Variants in DYM observed in about 807,000 individuals in gnomAD.
The protein encoded by DYM is dymeclin, also known as dyggve-Melchior-Clausen syndrome protein.
Under a neutral mutation model 93.1 loss-of-function variants are expected in DYM, and 78 were observed. The ratio of observed to expected loss-of-function variants is 0.84; its 90% CI spans 0.70 to 1.01. The LOEUF (loss-of-function observed/expected upper bound fraction) is 1.01, where lower values mean the gene tolerates loss of function less well. Among genes scored for constraint, DYM ranks in the 50% least tolerant of loss-of-function variants. The pLI, the probability that DYM is intolerant of heterozygous loss-of-function variation, is 0.00. For synonymous variants in DYM, 321 were observed against 319.7 expected (o/e 1.00, Z -0.04); for missense variants, 789 against 845.0 (o/e 0.93, Z 0.82).
intron 15 of DYM, among the ~76,000 whole-genome samples, chr18:49,125,695 T>C (rs1019546930): frequency 1.3e-5 from 2 of 152,216 alleles, no homozygotes; most frequent in African/African-American, 4.8e-5. Flanking sequence ...CCTCAGAAGA[T>C]ACAAAAGACA....
chr18:49,365,750 G>C, intron 5 of DYM, among the ~76,000 whole-genome samples: 1 of 152,250 alleles, frequency 6.6e-6, no homozygotes, highest in African/African-American at 2.4e-5. Flanking sequence ...TTTAATTACG[G>C]AAGGTGAGAG....
chr18:49,270,349 C>T (rs757401018), intron 11 of DYM, among the ~76,000 whole-genome samples: 28 of 152,144 alleles, frequency 1.8e-4, no homozygotes, highest in Non-Finnish European at 3.2e-4. Context: ...AAAAATACTT[C>T]ATGATCTCAC....
At position 49,297,816 on chromosome 18, in the gene DYM, C is replaced by T. The variant is rs184702944; in HGVS notation, c.764-11200G>A. On this transcript the variant is annotated intron_variant, in intron 8 of 17. Coordinates refer to ENST00000675505, the MANE Select transcript of DYM (RefSeq NM_001353214.3). ...CTAAAACAAACAGTGTTGGTGTAAT[C>T]AGAAAAAAAAAAGCATACTTGATGT... Among the ~76,000 whole-genome samples, 8 of 150,214 alleles carry T rather than the reference C, an allele frequency of 5.3e-5. No individual in the cohort carries two copies. The East Asian group carries it at 1.6e-3, about 29-fold the overall frequency.
chr18:49,317,796 C>T (rs77975231), intron 8 of DYM, among the ~76,000 whole-genome samples: 1,645 of 151,502 alleles, frequency 0.011, 45 homozygotes, highest in South Asian at 0.075. Context: ...TTCAAGACTG[C>T]TCATATCATT....
intron 6 of DYM, 107 bp downstream of exon 6, chr18:49,363,054 C>G: frequency 1.2e-6 from 1 of 834,352 alleles, no homozygotes; most frequent in South Asian, 1.4e-5. Context: ...CCTTAAAAGG[C>G]ACACATATAA....
intron 16 of DYM, among the ~76,000 whole-genome samples, chr18:49,116,819 C>T (rs1015100405): frequency 1.4e-4 from 21 of 152,168 alleles, no homozygotes; most frequent in Admixed American, 3.9e-4. Flanking sequence ...TAAAAGAAGA[C>T]GGAGTTAACT....
At chr18:49,392,935 C>T (rs1476747922) in intron 2 of DYM, among the ~76,000 whole-genome samples, 1 of 146,444 alleles carries the variant, frequency 6.8e-6, no homozygotes. Context: ...GCAGAGGTTA[C>T]AGTGAGCCAA....
rs1166295920 is a variant in DYM at position 49,285,958 on chromosome 18, G to A, written c.946+476C>T. 2.0e-5 allele frequency among the ~76,000 whole-genome samples: 3 copies of A among 152,150 alleles called. No individual in the cohort carries two copies. In the South Asian group the frequency reaches 6.2e-4, roughly 32 times the overall value. On this transcript the variant is annotated intron_variant, in intron 9 of 17. Coordinates refer to ENST00000675505, the MANE Select transcript of DYM (RefSeq NM_001353214.3). ...CCTATGGCTGCTTTGATGGAAAAAC[G>A]GCAAGGCTAACAGACTGCAGGAGAG...
At chr18:49,189,993 TA>T (rs2090821134) in intron 14 of DYM, among the ~76,000 whole-genome samples, 1 of 152,218 alleles carries the variant, frequency 6.6e-6, no homozygotes, top group Admixed American at 6.5e-5. Flanking sequence ...TTCCTTCCGT[TA>T]AACTAGACAA....
intron 1 of DYM, among the ~76,000 whole-genome samples, chr18:49,459,437 A>G (rs75872700): frequency 0.091 from 13,879 of 152,124 alleles, 854 homozygotes; most frequent in East Asian, 0.31. Flanking sequence ...ACCCATTCCT[A>G]TAGATTCTCT....
intron 3 of DYM, among the ~76,000 whole-genome samples, chr18:49,381,158 A>G (rs1041363393): frequency 2.0e-5 from 3 of 152,106 alleles, no homozygotes; most frequent in Non-Finnish European, 4.4e-5. Flanking sequence ...CACCATGCCC[A>G]GCTAATTGTA....
At position 49,232,603 on chromosome 18, in the gene DYM, CTTT is replaced by C. The variant is rs777802663; in HGVS notation, c.1461-22891_1461-22889del. On this transcript the variant is annotated intron_variant, in intron 13 of 17. Coordinates refer to ENST00000675505, the MANE Select transcript of DYM (RefSeq NM_001353214.3). ...AGGCGTGAGCCACTGTGCCCGGCCT[CTTT>C]TTTTTTTTTTTTTTTTTTTTTGGAA... Among the ~76,000 whole-genome samples, 457 of 94,382 alleles carry C rather than the reference CTTT, an allele frequency of 4.8e-3. 1 individual carries two copies. The highest frequency in any genetic ancestry group is 8.0e-3 in the Non-Finnish European group (372 of 46,284). 61.9% of individuals were successfully genotyped at this position (94,382 alleles called of 152,430 possible). A position where few individuals can be genotyped will look rare whatever the true frequency, so the allele number is the denominator to read the frequency against.
intron 8 of DYM, among the ~76,000 whole-genome samples, chr18:49,292,624 A>AAAAC (rs1568189068): frequency 3.4e-4 from 22 of 65,056 alleles, no homozygotes; most frequent in African/African-American, 7.5e-4. Context: ...AAAAAAAAAA[A>AAAAC]ACCCCCACAA....
At position 49,272,006 on chromosome 18, in the gene DYM, G is replaced by GAA. The variant is rs33965129; in HGVS notation, c.1251+170_1251+171dup. Among the ~76,000 whole-genome samples, 566 of 134,468 alleles carry GAA rather than the reference G, an allele frequency of 4.2e-3. 5 individuals are homozygous for GAA. The highest frequency in any genetic ancestry group is 0.015 in the Middle Eastern group (4 of 262). 88.2% of individuals were successfully genotyped at this position (134,468 alleles called of 152,430 possible). On this transcript the variant is annotated intron_variant, in intron 11 of 17. Transcript: ENST00000675505. Reference sequence around the variant, plus strand: ...TTAATAGTGGTTAATAGTCATTCTGGAAAAAAAAAAAAAAAAAGCACCGCT... The same window carrying GAA: ...TTAATAGTGGTTAATAGTCATTCTGGAAAAAAAAAAAAAAAAAAAGCACCGCT...
At chr18:49,409,525 G>A (rs2071957588) in intron 2 of DYM, among the ~76,000 whole-genome samples, 1 of 152,042 alleles carries the variant, frequency 6.6e-6, no homozygotes, top group South Asian at 2.1e-4. Flanking sequence ...CATGAATGAT[G>A]GAATAAAAAG....
chr18:49,257,291 C>CA (rs1285406863), intron 12 of DYM, among the ~76,000 whole-genome samples, 187 bp from the exon 13 acceptor site: 1 of 152,026 alleles, frequency 6.6e-6, no homozygotes, highest in African/African-American at 2.4e-5. Context: ...TTCCACAACA[C>CA]AAAAAATGAT....
rs2070800243 is a variant in DYM at position 49,038,856 on chromosome 18, C to G, written c.*5199G>C. Among the ~76,000 whole-genome samples the G allele has an allele frequency of 6.6e-6, 1 of 152,192 alleles. No individual in the cohort carries two copies. Among genetic ancestry groups the G allele is most frequent in the South Asian group, 2.1e-4 (1 of 4,832 alleles). On this transcript the variant is annotated 3_prime_UTR_variant, in exon 18 of 18. Transcript: ENST00000675505. The stretch of plus-strand genomic sequence containing the variant: ...AAGACTAATATTAAATGAATTTTTA[C>G]TCTCTTCTTGGATGATGCCAAGTGT...
At chr18:49,159,413 C>T (rs561547368) in intron 15 of DYM, among the ~76,000 whole-genome samples, 3 of 152,252 alleles carry the variant, frequency 2.0e-5, no homozygotes, top group South Asian at 4.1e-4. Context: ...AGTTTGTAAA[C>T]AAGGTCTAAA....
At chr18:49,450,942 A>G (rs1344335446) in intron 1 of DYM, among the ~76,000 whole-genome samples, 3 of 152,218 alleles carry the variant, frequency 2.0e-5, no homozygotes, top group Non-Finnish European at 4.4e-5. Flanking sequence ...CAGGTTTTTA[A>G]CAGCTTTGAA....
Sources: gnomAD v4.1 joint callset for allele counts (sites outside exome capture counted in the v4.1 genomes callset) on GRCh38, gnomAD v4.1.1 for gene constraint, MANE v1.5 for transcripts, NCBI Gene and HGNC (gene_info 2026-07-23, HGNC 2026-07-21) for gene names.